S100Z: variants seen among roughly 807,000 people sequenced by gnomAD.
The protein encoded by S100Z is protein S100-Z.
In S100Z, 11 loss-of-function variants were observed where a neutral mutation model predicts 8.5. The ratio of observed to expected loss-of-function variants is 1.30; its 90% CI spans 0.82 to 2.15. The LOEUF (loss-of-function observed/expected upper bound fraction) is 2.15. S100Z is among the 30% of genes most tolerant of loss of function. S100Z has a pLI of 0.00. For synonymous variants in S100Z, 34 were observed against 43.8 expected, an observed-to-expected ratio of 0.78 and a Z score of 0.89; for missense variants, 126 against 117.9, an observed-to-expected ratio of 1.07 and a Z score of -0.32.
At chr5:76,850,953 C>T (rs1386936828) in intron 1 of S100Z, among the ~76,000 whole-genome samples, 1 of 152,118 alleles carries the variant, frequency 6.6e-6, no homozygotes. Context: ...CATGAGCCAC[C>T]GCTCCCCAGC....
intron 4 of S100Z, among the ~76,000 whole-genome samples, chr5:76,913,833 G>T (rs1212448959): frequency 6.6e-6 from 1 of 152,192 alleles, no homozygotes. Flanking sequence ...GATAGTACGA[G>T]ATGCTGCCCG....
the S100Z span, chr5:76,948,899 A>G: frequency 6.6e-6 from 1 of 152,236 alleles, no homozygotes; most frequent in Admixed American, 6.5e-5. Flanking sequence ...GAGAACAAAC[A>G]CATGGACACA....
At chr5:76,904,484 T>C (rs1305569600) in intron 4 of S100Z, among the ~76,000 whole-genome samples, 1 of 151,992 alleles carries the variant, frequency 6.6e-6, no homozygotes, top group Non-Finnish European at 1.5e-5. Flanking sequence ...TTTCGCCACG[T>C]TGGCCAGGCT....
At chr5:76,921,894 C>T (rs927836584), downstream of S100Z, among the ~76,000 whole-genome samples, 5 of 150,834 alleles carry the variant, frequency 3.3e-5, no homozygotes, top group Admixed American at 6.6e-5. Context: ...GAGGCTGAGG[C>T]GGGAGAATTG....
downstream of S100Z, among the ~76,000 whole-genome samples, chr5:76,922,765 T>C (rs1277917373): frequency 5.9e-5 from 9 of 152,232 alleles, no homozygotes; most frequent in South Asian, 4.1e-4. Context: ...CCTCGTGATC[T>C]GCCCGCCTCG....
At chr5:76,939,684 T>C in the S100Z span, among the ~76,000 whole-genome samples, 1 of 151,584 alleles carries the variant, frequency 6.6e-6, no homozygotes, top group Non-Finnish European at 1.5e-5. Flanking sequence ...GGCTAATTTT[T>C]GTATTTTTAG....
intron 1 of S100Z, among the ~76,000 whole-genome samples, chr5:76,856,151 G>C (rs1384319052): frequency 6.6e-6 from 1 of 152,162 alleles, no homozygotes; most frequent in Admixed American, 6.5e-5. Context: ...GAAGCTGCTT[G>C]CTTCCTGTAC....
At chr5:76,890,436 G>T (rs1393086144) in intron 4 of S100Z, among the ~76,000 whole-genome samples, 1 of 152,184 alleles carries the variant, frequency 6.6e-6, no homozygotes, top group Non-Finnish European at 1.5e-5. Flanking sequence ...CAAAGAAATG[G>T]AGGAAGATTA....
chr5:76,871,520 CTTT>C (rs565094996), intron 2 of S100Z, among the ~76,000 whole-genome samples: 2,915 of 125,074 alleles, frequency 0.023, 90 homozygotes, highest in African/African-American at 0.081. Context: ...ATCAGAAACT[CTTT>C]TTTTTTTTTT....
chr5:76,885,836 C>T (rs185700882), intron 4 of S100Z, among the ~76,000 whole-genome samples: 118 of 135,012 alleles, frequency 8.7e-4, no homozygotes, highest in East Asian at 2.7e-3. Flanking sequence ...AGTAGAGGCA[C>T]GGAGAGAAGG....
chr5:76,890,104 A>AC (rs373943035), intron 4 of S100Z, among the ~76,000 whole-genome samples: 21 of 152,250 alleles, frequency 1.4e-4, no homozygotes, highest in African/African-American at 5.1e-4. Flanking sequence ...GCTCACTGCA[A>AC]CCTCTGCCTC....
intron 4 of S100Z, chr5:76,878,080 TTTTGG>T (rs1743265083): frequency 3.9e-6 from 1 of 256,544 alleles, no homozygotes; most frequent in Admixed American, 5.4e-5. Context: ...ATATGCATCT[TTTTGG>T]TTTGTCAAAA....
chr5:76,865,238 C>CTATTTTT (rs1491513943), intron 1 of S100Z, among the ~76,000 whole-genome samples: 2 of 110,652 alleles, frequency 1.8e-5, no homozygotes, highest in African/African-American at 7.9e-5. Flanking sequence ...TGTGTCCTAG[C>CTATTTTT]TCTTTTTTTT....
chr5:76,926,998 G>GT, the S100Z span, among the ~76,000 whole-genome samples: 1 of 152,222 alleles, frequency 6.6e-6, no homozygotes, highest in East Asian at 1.9e-4. Context: ...ACATTCAATG[G>GT]TTAGGGCAAT....
intron 4 of S100Z, among the ~76,000 whole-genome samples, chr5:76,912,897 AGAG>A (rs1467362455): frequency 2.0e-5 from 3 of 151,326 alleles, no homozygotes; most frequent in East Asian, 3.9e-4. Context: ...AGAGAGAGAG[AGAG>A]GAGAAGAGAC....
intron 3 of S100Z, among the ~76,000 whole-genome samples, chr5:76,876,065 G>C (rs1743180983): frequency 6.6e-6 from 1 of 152,310 alleles, no homozygotes; most frequent in Middle Eastern, 3.4e-3. Flanking sequence ...GAGTTTGAGA[G>C]ATTAATATAT....
chr5:76,934,936 C>G, the S100Z span, among the ~76,000 whole-genome samples: 1 of 152,180 alleles, frequency 6.6e-6, no homozygotes. Context: ...CGCATCCACC[C>G]TATTTGCCCT....
chr5:76,862,388 T>C (rs2434660), intron 1 of S100Z, among the ~76,000 whole-genome samples: 77,838 of 151,870 alleles, frequency 0.51, 20,825 homozygotes, highest in South Asian at 0.69. Context: ...GATAACAAGA[T>C]GGAAGTCTCC....
chr5:76,861,193 G>A (rs1249518894), intron 1 of S100Z, among the ~76,000 whole-genome samples: 1 of 152,140 alleles, frequency 6.6e-6, no homozygotes, highest in African/African-American at 2.4e-5. Flanking sequence ...GGTTCATTGC[G>A]TGCCTGGTCA....
Sources: gnomAD v4.1 joint callset for allele counts (sites outside exome capture counted in the v4.1 genomes callset) on GRCh38, gnomAD v4.1.1 for gene constraint, MANE v1.5 for transcripts, NCBI Gene and HGNC (gene_info 2026-07-23, HGNC 2026-07-21) for gene names.